RAB11FIP4: variants seen among roughly 807,000 people sequenced by gnomAD.
RAB11FIP4 encodes rab11 family-interacting protein 4.
A neutral mutation model predicts 74.3 loss-of-function variants in RAB11FIP4; 23 were observed. The observed-to-expected ratio is 0.31, with a 90% CI of 0.22 to 0.44. The LOEUF (loss-of-function observed/expected upper bound fraction) is 0.44, where lower values mean the gene tolerates loss of function less well. Ranked by LOEUF, RAB11FIP4 falls within the 20% of genes least tolerant of loss-of-function variation. The pLI is 1.00. For missense variants in RAB11FIP4, 630 were observed against 863.9 expected (o/e 0.73, Z 3.39); for synonymous variants, 360 against 359.9 (o/e 1.00, Z 0.00).
intron 1 of RAB11FIP4, among the ~76,000 whole-genome samples, chr17:31,393,672 T>C (rs565029318): frequency 6.6e-6 from 1 of 152,222 alleles, no homozygotes; most frequent in African/African-American, 2.4e-5. Context: ...GGGGGAGCCT[T>C]TAAATATTTG....
chr17:31,458,556 A>G (rs1203026235), intron 3 of RAB11FIP4, among the ~76,000 whole-genome samples: 1 of 152,116 alleles, frequency 6.6e-6, no homozygotes, highest in Non-Finnish European at 1.5e-5. Context: ...GGGTGTTTGG[A>G]GGTGCCTCTC....
chr17:31,485,597 A>C (rs1370698589), intron 3 of RAB11FIP4, among the ~76,000 whole-genome samples: 1 of 152,064 alleles, frequency 6.6e-6, no homozygotes, highest in Admixed American at 6.6e-5. Flanking sequence ...CCAAGATAGA[A>C]CCCCTGGACT....
intron 3 of RAB11FIP4, among the ~76,000 whole-genome samples, chr17:31,493,347 A>T (rs938159958): frequency 6.6e-6 from 1 of 152,068 alleles, no homozygotes; most frequent in Non-Finnish European, 1.5e-5. Context: ...ACAGAACTGG[A>T]GTGTGGGAGA....
At position 31,391,786 on chromosome 17, in the gene RAB11FIP4, T is replaced by TGGC. The variant is rs2070873127; in HGVS notation, c.-58_-56dup. ...GGCGGCCCCGGAGGGCGCGCGGCGA[T>TGGC]GGCGGCGGCGGGCAGGCGGCGGGCG... On this transcript the variant is annotated 5_prime_UTR_variant, in exon 1 of 15. Transcript: ENST00000621161. The TGGC allele has an allele frequency of 4.1e-6, 4 of 968,980 alleles. No individual in the cohort carries two copies. The highest frequency in any genetic ancestry group is 6.4e-5 in the Admixed American group (1 of 15,670). The allele number at this position is 968,980 out of a possible 1,614,324, so 60.0% of individuals were successfully genotyped here.
At chr17:31,443,043 GGATTGCGTCA>G in intron 3 of RAB11FIP4, among the ~76,000 whole-genome samples, 1 of 152,116 alleles carries the variant, frequency 6.6e-6, no homozygotes, top group South Asian at 2.1e-4. Context: ...AATCCCATCA[GGATTGCGTCA>G]GATTCCTGCT....
chr17:31,488,771 C>T (rs959331688), intron 3 of RAB11FIP4, among the ~76,000 whole-genome samples: 3 of 152,210 alleles, frequency 2.0e-5, no homozygotes, highest in African/African-American at 7.2e-5. Context: ...GGGGCCCTGC[C>T]TCTCCCCAGC....
chr17:31,434,483 AAAC>A (rs1470167998), intron 3 of RAB11FIP4, among the ~76,000 whole-genome samples: 1 of 152,112 alleles, frequency 6.6e-6, no homozygotes, highest in Non-Finnish European at 1.5e-5. Context: ...GTTTGTTTTC[AAAC>A]AACAACGAAT....
intron 2 of RAB11FIP4, among the ~76,000 whole-genome samples, chr17:31,433,497 T>G (rs2071328610): frequency 6.6e-6 from 1 of 152,228 alleles, no homozygotes; most frequent in Non-Finnish European, 1.5e-5. Flanking sequence ...CCAGGCATTT[T>G]GTCAGGTCCC....
chr17:31,477,300 C>T (rs1420178893), intron 3 of RAB11FIP4, among the ~76,000 whole-genome samples: 1 of 152,212 alleles, frequency 6.6e-6, no homozygotes, highest in Non-Finnish European at 1.5e-5. Context: ...GAGTGTTCCT[C>T]AGGCAGGGAG....
intron 3 of RAB11FIP4, 121 bp from the exon 4 acceptor site, chr17:31,517,530 C>T: frequency 2.3e-6 from 2 of 886,284 alleles, no homozygotes; most frequent in Non-Finnish European, 3.5e-6. Context: ...GGTTCGGGAT[C>T]TGGGCCTCCT....
At chr17:31,507,049 G>A (rs930266077) in intron 3 of RAB11FIP4, among the ~76,000 whole-genome samples, 2 of 152,182 alleles carry the variant, frequency 1.3e-5, no homozygotes, top group Admixed American at 6.5e-5. Context: ...GGAGGCCGAG[G>A]TGGGCGGATC....
At chr17:31,401,469 A>G (rs1441898915) in intron 1 of RAB11FIP4, among the ~76,000 whole-genome samples, 1 of 152,228 alleles carries the variant, frequency 6.6e-6, no homozygotes, top group East Asian at 1.9e-4. Flanking sequence ...ATAGGTTTCT[A>G]TAACAACCCA....
Position 31,433,567 on chromosome 17 carries a change from G to A in RAB11FIP4, c.248-467G>A, listed in dbSNP as rs535746172. 2.5e-4 allele frequency among the ~76,000 whole-genome samples: 38 copies of A among 152,338 alleles called. 1 individual carries two copies. In the South Asian group the frequency reaches 3.9e-3, roughly 16 times the overall value. On this transcript the variant is annotated intron_variant, in intron 2 of 14. Transcript: ENST00000621161. ...TGGGATCTCAGGAGCGAGGCCAGCC[G>A]TGTACAGAGTCAGCAGGAACTGCAG... is the stretch of plus-strand genomic sequence containing the variant.
rs550660556 is a variant in RAB11FIP4 at position 31,520,696 on chromosome 17, T to A, written c.564-470T>A. On this transcript the variant is annotated intron_variant, in intron 4 of 14. Coordinates refer to ENST00000621161, the MANE Select transcript of RAB11FIP4 (RefSeq NM_032932.6). ...CTAATTTTTTGTATTTCTAGTAGAG[T>A]TGGGGTTTCACCATGTTAGCCAGGA... Among the ~76,000 whole-genome samples, 469 of 152,006 alleles carry A rather than the reference T, an allele frequency of 3.1e-3. 2 individuals are homozygous for A. Among genetic ancestry groups the A allele is most frequent in the Middle Eastern group, 0.014 (4 of 294 alleles).
At chr17:31,493,365 G>A (rs1458260406) in intron 3 of RAB11FIP4, among the ~76,000 whole-genome samples, 1 of 152,040 alleles carries the variant, frequency 6.6e-6, no homozygotes, top group Non-Finnish European at 1.5e-5. Context: ...AGAGTGGGCG[G>A]GCTCTCTCTC....
intron 1 of RAB11FIP4, among the ~76,000 whole-genome samples, chr17:31,407,994 G>A (rs1268172802): frequency 6.6e-6 from 1 of 151,646 alleles, no homozygotes; most frequent in Non-Finnish European, 1.5e-5. Flanking sequence ...CACAGATAGA[G>A]CATTGTTCTG....
chr17:31,486,455 A>G (rs557555697), intron 3 of RAB11FIP4, among the ~76,000 whole-genome samples: 4 of 152,076 alleles, frequency 2.6e-5, no homozygotes, highest in East Asian at 3.9e-4. Context: ...GTGTTGTCCA[A>G]TCTGGCCTCA....
At chr17:31,399,427 T>C (rs1406204287) in intron 1 of RAB11FIP4, among the ~76,000 whole-genome samples, 1 of 152,110 alleles carries the variant, frequency 6.6e-6, no homozygotes, top group Non-Finnish European at 1.5e-5. Flanking sequence ...AATTTTTTAT[T>C]CTAGGCCAGG....
At chr17:31,486,191 G>T (rs375341380) in intron 3 of RAB11FIP4, among the ~76,000 whole-genome samples, 1 of 151,616 alleles carries the variant, frequency 6.6e-6, no homozygotes, top group African/African-American at 2.4e-5. Flanking sequence ...CCAAGCTCAC[G>T]CCACTGCACT....
Sources: allele counts gnomAD v4.1 joint callset (sites outside exome capture counted in the v4.1 genomes callset), GRCh38; gene constraint gnomAD v4.1.1; transcripts MANE v1.5; gene names NCBI Gene and HGNC (gene_info 2026-07-23, HGNC 2026-07-21).